Variants in TOGARAM1 observed in about 807,000 individuals in gnomAD.
The protein encoded by TOGARAM1 is TOG array regulator of axonemal microtubules 1.
TOGARAM1 carries 100 observed loss-of-function variants against 166.6 expected under a neutral mutation model. The ratio of observed to expected loss-of-function variants is 0.60; its 90% CI spans 0.51 to 0.71. The LOEUF (loss-of-function observed/expected upper bound fraction) is 0.71. Among genes scored for constraint, TOGARAM1 ranks in the 30% least tolerant of loss-of-function variants. The probability of loss-of-function intolerance (pLI) is 0.00; values close to 1 mark genes in which losing one functional copy is unlikely to be tolerated. For synonymous variants in TOGARAM1, 758 were observed against 763.8 expected (o/e 0.99, Z 0.13); for missense variants, 2,029 against 2,102.7 (o/e 0.96, Z 0.69).
rs1200567760 is a variant in TOGARAM1 at position 44,977,748 on chromosome 14, C to T, written c.2046+13281C>T. On this transcript the variant is annotated intron_variant, in intron 1 of 19. Coordinates refer to ENST00000361462, the MANE Select transcript of TOGARAM1 (RefSeq NM_001308120.2). ...GCAACTTCCACCTCCCAGGGTCAAGCGATTCTCCTGCCTCAGCCTCCCAAG... is the reference window on the plus strand; with the variant it reads ...GCAACTTCCACCTCCCAGGGTCAAGTGATTCTCCTGCCTCAGCCTCCCAAG... 7.2e-5 allele frequency among the ~76,000 whole-genome samples: 11 copies of T among 151,928 alleles called. 1 individual carries two copies. In the East Asian group the frequency reaches 1.4e-3, roughly 19 times the overall value.
At chr14:45,041,423 T>G (rs1881721720) in intron 11 of TOGARAM1, among the ~76,000 whole-genome samples, 1 of 152,030 alleles carries the variant, frequency 6.6e-6, no homozygotes, top group Non-Finnish European at 1.5e-5. Context: ...AACAAAAAAG[T>G]TTCCACAAAG....
chr14:45,012,837 G>T (rs940683521), intron 7 of TOGARAM1, among the ~76,000 whole-genome samples: 1 of 152,134 alleles, frequency 6.6e-6, no homozygotes, highest in Admixed American at 6.5e-5. Context: ...TCTTAAATGT[G>T]TCTTAATCTC....
chr14:45,010,690 A>G (rs910474115), intron 6 of TOGARAM1, among the ~76,000 whole-genome samples: 3 of 152,198 alleles, frequency 2.0e-5, no homozygotes, highest in Admixed American at 2.0e-4. Context: ...AGATTTCCAC[A>G]TTTAAGATTA....
chr14:44,999,126 C>T (rs1385897095), intron 2 of TOGARAM1, among the ~76,000 whole-genome samples: 4 of 152,050 alleles, frequency 2.6e-5, no homozygotes, highest in African/African-American at 4.8e-5. Flanking sequence ...AGATATTCTT[C>T]AACATACCTG....
At chr14:45,017,841 C>T (rs1050831794) in intron 7 of TOGARAM1, among the ~76,000 whole-genome samples, 40 of 151,580 alleles carry the variant, frequency 2.6e-4, no homozygotes, top group African/African-American at 9.0e-4. Flanking sequence ...GCCGAGATGG[C>T]GCCACTGCAC....
chr14:45,021,750 A>G (rs1880526469), intron 7 of TOGARAM1, among the ~76,000 whole-genome samples: 1 of 152,130 alleles, frequency 6.6e-6, no homozygotes, highest in South Asian at 2.1e-4. Context: ...ATCAGAAGGA[A>G]GGGGCTTGAC....
At chr14:45,005,567 T>A (rs1887913401) in intron 4 of TOGARAM1, among the ~76,000 whole-genome samples, 1 of 152,096 alleles carries the variant, frequency 6.6e-6, no homozygotes, top group Non-Finnish European at 1.5e-5. Context: ...TGAGCTGAGG[T>A]GGCACCACTG....
intron 15 of TOGARAM1, 24 bp from the exon 16 acceptor site, chr14:45,054,407 T>C (rs374052628): frequency 7.0e-7 from 1 of 1,434,050 alleles, no homozygotes; most frequent in Non-Finnish European, 9.6e-7. Context: ...ATTTGTATTA[T>C]ACTAATTTTA....
intron 6 of TOGARAM1, among the ~76,000 whole-genome samples, chr14:45,009,981 ATG>A (rs1342198360): frequency 6.6e-6 from 1 of 152,234 alleles, no homozygotes; most frequent in Non-Finnish European, 1.5e-5. Context: ...CCTACCAGCT[ATG>A]TGTGAGAGTT....
intron 11 of TOGARAM1, among the ~76,000 whole-genome samples, chr14:45,032,946 T>G (rs1288494695): frequency 6.6e-6 from 1 of 152,106 alleles, no homozygotes; most frequent in African/African-American, 2.4e-5. Context: ...TGCCATAATA[T>G]CTCTTATTTT....
intron 1 of TOGARAM1, among the ~76,000 whole-genome samples, chr14:44,989,969 C>G (rs911718376): frequency 2.6e-5 from 4 of 152,114 alleles, no homozygotes; most frequent in African/African-American, 9.7e-5. Flanking sequence ...GAGGAACTGT[C>G]AGACACTTGT....
Position 45,045,648 on chromosome 14 carries a change from CAT to C in TOGARAM1, c.4154+784_4154+785del, listed in dbSNP as rs1566660885. 1.3e-4 allele frequency among the ~76,000 whole-genome samples: 8 copies of C among 63,186 alleles called. No homozygotes were observed. In the South Asian group the frequency reaches 2.6e-3, roughly 20 times the overall value. The allele number at this position is 63,186 out of a possible 152,430, so 41.5% of individuals were successfully genotyped here. A position where few individuals can be genotyped will look rare whatever the true frequency, so the allele number is the denominator to read the frequency against. ...ATATGTATATATATACATATATATACATATATACACACATATATATGTGTATA... is the reference window on the plus strand; with the variant it reads ...ATATGTATATATATACATATATATACATATACACACATATATATGTGTATA... On this transcript the variant is annotated intron_variant, in intron 13 of 19. Coordinates refer to ENST00000361462, the MANE Select transcript of TOGARAM1 (RefSeq NM_001308120.2).
intron 13 of TOGARAM1, among the ~76,000 whole-genome samples, chr14:45,045,543 GTATATATATATATATATATATA>G (rs375962126): frequency 5.1e-5 from 2 of 38,922 alleles, no homozygotes; most frequent in Admixed American, 4.0e-4. Flanking sequence ...GTCTGTGTGT[GTATATATATATATATATATATA>G]TATATATATA....
chr14:45,058,977 C>A (rs1426641414), intron 16 of TOGARAM1, among the ~76,000 whole-genome samples: 1 of 151,984 alleles, frequency 6.6e-6, no homozygotes, highest in Non-Finnish European at 1.5e-5. Flanking sequence ...ATGTTTAGGG[C>A]CCATTTGGGT....
At position 44,962,930 on chromosome 14, in the gene TOGARAM1, G is replaced by C. The variant is rs1410858405; in HGVS notation, c.509G>C (p.Gly170Ala). The C allele has an allele frequency of 6.2e-7, 1 of 1,614,220 alleles. No homozygotes were observed. The highest frequency in any genetic ancestry group is 8.5e-7 in the Non-Finnish European group (1 of 1,180,046). ...SDVLRGQGEA[G>A]QLEEAFSLAL... ...GTTCTCCGGGGTCAGGGGGAGGCAG[G>C]CCAGCTTGAAGAGGCCTTTAGCTTA... Residue 170 changes from glycine to alanine, a missense_variant, in exon 1 of 20, where the codon GGC (glycine) becomes GCC (alanine). Gly to Ala is a moderately conservative substitution (Grantham distance 60). This residue lies in a region of TOGARAM1 where 1,453 missense variants were observed against 1,432.2 expected (regional missense o/e 1.01). Coordinates refer to ENST00000361462, the MANE Select transcript of TOGARAM1 (RefSeq NM_001308120.2).
At chr14:45,029,803 T>G (rs1057358074) in intron 10 of TOGARAM1, among the ~76,000 whole-genome samples, 2 of 152,130 alleles carry the variant, frequency 1.3e-5, no homozygotes, top group Non-Finnish European at 2.9e-5. Context: ...GTCTGCAACA[T>G]AGTGGAAGTT....
intron 1 of TOGARAM1, among the ~76,000 whole-genome samples, chr14:44,985,072 G>T (rs1383618387): frequency 6.6e-6 from 1 of 151,826 alleles, no homozygotes; most frequent in Non-Finnish European, 1.5e-5. Context: ...GGAGTGCAGT[G>T]GCGCAATCTT....
At chr14:45,027,508 A>C in intron 9 of TOGARAM1, 34 bp downstream of exon 9, 2 of 1,523,638 alleles carry the variant, frequency 1.3e-6, no homozygotes, top group South Asian at 2.4e-5. Context: ...GAATAAATTT[A>C]AGCTTACAGT....
At chr14:45,013,042 C>G (rs1350351264) in intron 7 of TOGARAM1, among the ~76,000 whole-genome samples, 1 of 152,176 alleles carries the variant, frequency 6.6e-6, no homozygotes, top group Non-Finnish European at 1.5e-5. Context: ...CCCAGCCTAC[C>G]TCTCCAGCCT....
Sources: allele counts gnomAD v4.1 joint callset (sites outside exome capture counted in the v4.1 genomes callset), GRCh38; gene constraint gnomAD v4.1.1; regional missense constraint gnomAD v4.1.1; transcripts MANE v1.5; gene names NCBI Gene and HGNC (gene_info 2026-07-23, HGNC 2026-07-21).